Variants in SLC25A21 observed in about 807,000 individuals in gnomAD.
SLC25A21 encodes the protein solute carrier family 25 member 21, also known as mitochondrial 2-oxodicarboxylate carrier.
A neutral mutation model predicts 43.8 loss-of-function variants in SLC25A21; 47 were observed. The observed-to-expected ratio is 1.07, with a 90% CI of 0.85 to 1.37. The LOEUF (loss-of-function observed/expected upper bound fraction) is 1.37, where lower values mean the gene tolerates loss of function less well. Among genes scored for constraint, SLC25A21 ranks in the 40% most tolerant of loss-of-function variants. The pLI, the probability that SLC25A21 is intolerant of heterozygous loss-of-function variation, is 0.00. For synonymous variants in SLC25A21, 131 were observed against 121.3 expected, an observed-to-expected ratio of 1.08 and a Z score of -0.52; for missense variants, 352 against 350.2, an observed-to-expected ratio of 1.00 and a Z score of -0.04.
intron 1 of SLC25A21, among the ~76,000 whole-genome samples, chr14:37,156,212 C>T (rs1963847451): frequency 6.7e-6 from 1 of 149,300 alleles, no homozygotes; most frequent in African/African-American, 2.5e-5. Flanking sequence ...GTAAAGCAAT[C>T]ACACAAAGGA....
At chr14:37,030,404 T>G (rs1235794241) in intron 1 of SLC25A21, among the ~76,000 whole-genome samples, 1 of 152,116 alleles carries the variant, frequency 6.6e-6, no homozygotes, top group Non-Finnish European at 1.5e-5. Flanking sequence ...GATCTCTCTC[T>G]AGCTCTCAGT....
intron 6 of SLC25A21, among the ~76,000 whole-genome samples, chr14:36,719,174 T>C (rs1884275747): frequency 6.6e-6 from 1 of 152,238 alleles, no homozygotes; most frequent in African/African-American, 2.4e-5. Flanking sequence ...TTTTCCAGGC[T>C]AGCAGAGAGC....
chr14:37,098,127 G>A (rs1324919219), intron 1 of SLC25A21: 2 of 152,164 alleles, frequency 1.3e-5, no homozygotes, highest in East Asian at 3.9e-4. Flanking sequence ...TTTACCTCTA[G>A]GGAATGGGGA....
intron 1 of SLC25A21, among the ~76,000 whole-genome samples, chr14:36,984,421 C>T (rs896467570): frequency 5.9e-5 from 9 of 152,146 alleles, no homozygotes; most frequent in Admixed American, 3.9e-4. Context: ...AAGATGTAAA[C>T]TCAATGTGTA....
At chr14:36,697,617 A>C (rs993703755) in intron 7 of SLC25A21, among the ~76,000 whole-genome samples, 1 of 152,102 alleles carries the variant, frequency 6.6e-6, no homozygotes, top group South Asian at 2.1e-4. Context: ...ACATATACTT[A>C]GGATACTTAG....
intron 1 of SLC25A21, among the ~76,000 whole-genome samples, chr14:36,889,666 T>C (rs1442566761): frequency 7.2e-5 from 11 of 151,892 alleles, no homozygotes; most frequent in African/African-American, 1.9e-4. Context: ...TTTAATTTTA[T>C]TTTTTTTGTA....
At chr14:37,043,077 C>A (rs547521852) in intron 1 of SLC25A21, among the ~76,000 whole-genome samples, 1 of 152,200 alleles carries the variant, frequency 6.6e-6, no homozygotes, top group Non-Finnish European at 1.5e-5. Flanking sequence ...TGGGGTCATT[C>A]TGAAATCCTC....
intron 3 of SLC25A21, among the ~76,000 whole-genome samples, chr14:36,803,835 T>C (rs978583400): frequency 6.6e-6 from 1 of 152,208 alleles, no homozygotes; most frequent in Non-Finnish European, 1.5e-5. Context: ...CCTTATTTCA[T>C]GTTTCATGAG....
intron 1 of SLC25A21, among the ~76,000 whole-genome samples, chr14:37,130,343 A>G (rs745872779): frequency 6.6e-6 from 1 of 152,214 alleles, no homozygotes; most frequent in Non-Finnish European, 1.5e-5. Context: ...TCATAGTATA[A>G]GAATGACAAA....
In SLC25A21 at chr14:37,104,685, T is replaced by C. The variant is rs562511001; in HGVS notation, c.70+67596A>G. 4.6e-5 allele frequency among the ~76,000 whole-genome samples: 7 copies of C among 152,320 alleles called. No homozygotes were observed. In the South Asian group the frequency reaches 8.3e-4, roughly 18 times the overall value. On this transcript the variant is annotated intron_variant, in intron 1 of 9. Coordinates refer to ENST00000331299, the MANE Select transcript of SLC25A21 (RefSeq NM_030631.4). ...AAACAAAATAGGAAAGTATTTTTGG[T>C]CCTCTTTTTACAGATAATGAAACTA...
chr14:36,864,939 A>G (rs527915865), intron 2 of SLC25A21, among the ~76,000 whole-genome samples: 2 of 152,116 alleles, frequency 1.3e-5, no homozygotes, highest in South Asian at 2.1e-4. Flanking sequence ...TTTGAATCCT[A>G]TAGGTTCTAC....
chr14:36,822,157 G>A (rs546003654), intron 2 of SLC25A21, among the ~76,000 whole-genome samples: 92 of 152,286 alleles, frequency 6.0e-4, no homozygotes, highest in African/African-American at 2.1e-3. Context: ...CTAGGAACTT[G>A]GTTCACCTGC....
chr14:36,845,158 T>C (rs1889502627), intron 2 of SLC25A21, among the ~76,000 whole-genome samples: 1 of 152,202 alleles, frequency 6.6e-6, no homozygotes, highest in South Asian at 2.1e-4. Flanking sequence ...CTTCTCCATT[T>C]TTCTGGGGGC....
In SLC25A21 at chr14:37,151,184, G is replaced by A. The variant is rs115592600; in HGVS notation, c.70+21097C>T. On this transcript the variant is annotated intron_variant, in intron 1 of 9. Transcript: ENST00000331299. ...ACAGTAGTCTATTCTAGTTTTTACA[G>A]ACATTAAATTACATGCGACTTAAGA... 5.5e-3 allele frequency among the ~76,000 whole-genome samples: 836 copies of A among 152,252 alleles called. 9 individuals are homozygous for A. The highest frequency in any genetic ancestry group is 0.02 in the African/African-American group (812 of 41,550).
chr14:36,694,149 G>A (rs1461250865), intron 7 of SLC25A21, among the ~76,000 whole-genome samples: 2 of 151,896 alleles, frequency 1.3e-5, no homozygotes, highest in African/African-American at 4.8e-5. Context: ...ACCTGTGAGT[G>A]AGAACATGCG....
chr14:37,039,910 G>A (rs372668419), intron 1 of SLC25A21, among the ~76,000 whole-genome samples: 1 of 152,030 alleles, frequency 6.6e-6, no homozygotes, highest in Non-Finnish European at 1.5e-5. Context: ...AGTAGTTACA[G>A]GGGGCTGGGC....
chr14:36,998,707 A>T (rs1430959691), intron 1 of SLC25A21, among the ~76,000 whole-genome samples: 4 of 121,822 alleles, frequency 3.3e-5, no homozygotes, highest in Non-Finnish European at 5.4e-5. Context: ...CTCAACAATT[A>T]AAAAAAAAAA....
intron 3 of SLC25A21, among the ~76,000 whole-genome samples, chr14:36,764,307 T>A (rs1303474689): frequency 6.6e-6 from 1 of 151,756 alleles, no homozygotes; most frequent in East Asian, 1.9e-4. Flanking sequence ...CAGCCTTGCC[T>A]TTCATTGAGA....
At position 36,776,232 on chromosome 14, in the gene SLC25A21, TTCTTTC is replaced by T. The variant is rs1360607948; in HGVS notation, c.203+37680_203+37685del. On this transcript the variant is annotated intron_variant, in intron 3 of 9. Coordinates refer to ENST00000331299, the MANE Select transcript of SLC25A21 (RefSeq NM_030631.4). The stretch of plus-strand genomic sequence containing the variant: ...TGCTTTCTTTTTTCTTTTTCTTTCT[TTCTTTC>T]TTTTTTTTTTTTTTTTGAGATGGAG... Among the ~76,000 whole-genome samples the T allele has an allele frequency of 1.5e-3, 102 of 69,912 alleles. 2 individuals are homozygous for T. The highest frequency in any genetic ancestry group is 4.2e-3 in the African/African-American group (56 of 13,242). 45.9% of individuals were successfully genotyped at this position (69,912 alleles called of 152,430 possible).
Sources: allele counts gnomAD v4.1 joint callset (sites outside exome capture counted in the v4.1 genomes callset), GRCh38; gene constraint gnomAD v4.1.1; transcripts MANE v1.5; gene names NCBI Gene and HGNC (gene_info 2026-07-23, HGNC 2026-07-21).